The following TFCP2 variants were observed in gnomAD, a reference collection of about 807,000 sequenced individuals.
TFCP2 encodes the protein alpha-globin transcription factor CP2.
Under a neutral mutation model 73.4 loss-of-function variants are expected in TFCP2, and 33 were observed. That is an observed-to-expected ratio of 0.45 (90% CI 0.34 to 0.60). The LOEUF is 0.60. Among genes scored for constraint, TFCP2 ranks in the 20% least tolerant of loss-of-function variants. The probability of loss-of-function intolerance (pLI) is 0.01; values close to 1 mark genes in which losing one functional copy is unlikely to be tolerated. For synonymous variants in TFCP2, 193 were observed against 211.6 expected (o/e 0.91, Z 0.76); for missense variants, 352 against 604.0 (o/e 0.58, Z 4.37).
chr12:51,125,664 G>GC (rs1940795827), intron 1 of TFCP2, among the ~76,000 whole-genome samples: 1 of 152,176 alleles, frequency 6.6e-6, no homozygotes, highest in Non-Finnish European at 1.5e-5. Context: ...CATAAAGAAA[G>GC]CCAATTGAGA....
intron 1 of TFCP2, among the ~76,000 whole-genome samples, chr12:51,169,965 T>C (rs1028184926): frequency 2.0e-5 from 3 of 152,228 alleles, no homozygotes; most frequent in African/African-American, 7.2e-5. Flanking sequence ...AACAAATGTT[T>C]GCTGGTGATG....
At chr12:51,130,386 C>T (rs768515581) in intron 1 of TFCP2, among the ~76,000 whole-genome samples, 32 of 151,900 alleles carry the variant, frequency 2.1e-4, no homozygotes, top group Non-Finnish European at 1.6e-4. Flanking sequence ...GCAGGAGAAT[C>T]GCTTGAACCT....
chr12:51,147,996 C>A (rs1941334159), intron 1 of TFCP2, among the ~76,000 whole-genome samples: 1 of 152,064 alleles, frequency 6.6e-6, no homozygotes, highest in Non-Finnish European at 1.5e-5. Context: ...ATAGACAATT[C>A]TCAAAAGAAG....
At chr12:51,126,598 T>A (rs1940825131) in intron 1 of TFCP2, among the ~76,000 whole-genome samples, 1 of 152,170 alleles carries the variant, frequency 6.6e-6, no homozygotes, top group African/African-American at 2.4e-5. Context: ...AAGGAGAGGG[T>A]TGAAGAGTGT....
chr12:51,125,096 G>A (rs1412111371), intron 1 of TFCP2: 2 of 755,162 alleles, frequency 2.6e-6, no homozygotes, highest in Non-Finnish European at 5.0e-6. Flanking sequence ...TGCTGGTGAA[G>A]ATGCGAGGAA....
chr12:51,105,322 G>A (rs1940206646), intron 8 of TFCP2, among the ~76,000 whole-genome samples: 1 of 151,870 alleles, frequency 6.6e-6, no homozygotes, highest in South Asian at 2.1e-4. Flanking sequence ...TCGAACTCCT[G>A]ACATCGTAAT....
Position 51,149,078 on chromosome 12 carries a change from A to G in TFCP2, c.122+23223T>C, listed in dbSNP as rs921527225. 2.0e-5 allele frequency among the ~76,000 whole-genome samples: 3 copies of G among 150,840 alleles called. No homozygotes were observed. In the Admixed American group the frequency reaches 2.0e-4, roughly 10 times the overall value. ...AAAATGTGGTATATATACACCATAG[A>G]ATATTACTCAGCCATAAAAGGAACG... On this transcript the variant is annotated intron_variant, in intron 1 of 14. Coordinates refer to ENST00000257915, the MANE Select transcript of TFCP2 (RefSeq NM_005653.5).
At chr12:51,148,467 C>T (rs544967789) in intron 1 of TFCP2, among the ~76,000 whole-genome samples, 6 of 152,088 alleles carry the variant, frequency 3.9e-5, no homozygotes, top group South Asian at 2.1e-4. Flanking sequence ...CTTTGGGAGG[C>T]GAGGCGGGCG....
chr12:51,155,872 T>C (rs1375613105), intron 1 of TFCP2, among the ~76,000 whole-genome samples: 1 of 152,120 alleles, frequency 6.6e-6, no homozygotes, highest in Non-Finnish European at 1.5e-5. Context: ...CAAAGCCCCG[T>C]CTCCACTAAA....
chr12:51,132,934 C>T (rs1389818891), intron 1 of TFCP2, among the ~76,000 whole-genome samples: 1 of 152,140 alleles, frequency 6.6e-6, no homozygotes, highest in East Asian at 1.9e-4. Flanking sequence ...CTGCTGATAC[C>T]ACATGAAGAA....
intron 4 of TFCP2, among the ~76,000 whole-genome samples, chr12:51,112,496 T>C (rs574376533): frequency 1.3e-5 from 2 of 152,296 alleles, no homozygotes; most frequent in South Asian, 4.1e-4. Flanking sequence ...GTATTGCTAT[T>C]GAAGGGGTGC....
chr12:51,119,795 C>T (rs1940615491), intron 1 of TFCP2, among the ~76,000 whole-genome samples: 1 of 151,758 alleles, frequency 6.6e-6, no homozygotes, highest in Non-Finnish European at 1.5e-5. Context: ...ATTAACCATG[C>T]ATCTATTGAC....
In TFCP2 at chr12:51,103,683, G is replaced by A. The variant is rs1940162468; in HGVS notation, c.1047C>T (p.Phe349=). 7 of 1,613,504 alleles carry A rather than the reference G, an allele frequency of 4.3e-6. No homozygotes were observed. Among genetic ancestry groups the A allele is most frequent in the Non-Finnish European group, 5.9e-6 (7 of 1,179,848 alleles). The change falls in exon 10 of 15, where the codon TTC becomes TTT. Residue 349 remains phenylalanine (F), a synonymous_variant. Transcript: ENST00000257915. ...AGAAAATTTAACCTGAGAAGTTTGT[G>A]AAAAGCCTTGTGAATGTAGAAAAAC... ...RNRFSTFTRL[F]TNFSGADLLK...
At position 51,098,973 on chromosome 12, in the gene TFCP2, G is replaced by A; in HGVS notation, c.1277-55C>T. ...GTACAAAGTTTGTCCACTCTTACAG[G>A]TAACTTGATCACTAGGAATGCCCAC... On this transcript the variant is annotated intron_variant, in intron 12 of 14. Transcript: ENST00000257915. 2.5e-6 allele frequency: 4 copies of A among 1,583,204 alleles called. No individual in the cohort carries two copies. In the African/African-American group the frequency reaches 4.0e-5, roughly 16 times the overall value.
At chr12:51,151,476 G>A (rs748611807) in intron 1 of TFCP2, among the ~76,000 whole-genome samples, 11 of 152,024 alleles carry the variant, frequency 7.2e-5, no homozygotes, top group Non-Finnish European at 1.3e-4. Flanking sequence ...TCTCCCTGTC[G>A]CCCAGGCTGG....
chr12:51,098,810 C>T lies in TFCP2; in HGVS notation c.1385G>A (p.Gly462Glu), dbSNP rs1257015019. Reference sequence around the variant, plus strand: ...GATGAGCACATGAATTCCTGTTGGCCCCTGCTTGTAAATCTGGCTGATCTG... The same window carrying T: ...GATGAGCACATGAATTCCTGTTGGCTCCTGCTTGTAAATCTGGCTGATCTG... ...PCQISQIYKQ[G>E]PTGIHVLISD... The change falls in exon 13 of 15, where the codon GGG (glycine) becomes GAG (glutamate). Residue 462 changes from glycine to glutamate, a missense_variant. Physicochemically the swap from Gly to Glu is moderately conservative, Grantham distance 98. Transcript: ENST00000257915. 5.6e-6 allele frequency: 9 copies of T among 1,614,028 alleles called. No individual in the cohort carries two copies. Among genetic ancestry groups the T allele is most frequent in the Non-Finnish European group, 7.6e-6 (9 of 1,180,030 alleles).
At chr12:51,162,670 C>T (rs915102348) in intron 1 of TFCP2, among the ~76,000 whole-genome samples, 3 of 152,010 alleles carry the variant, frequency 2.0e-5, no homozygotes, top group Non-Finnish European at 2.9e-5. Flanking sequence ...AGCTCTTGAA[C>T]GAAATCCTGA....
chr12:51,155,597 T>A (rs561069249), intron 1 of TFCP2, among the ~76,000 whole-genome samples: 1 of 152,338 alleles, frequency 6.6e-6, no homozygotes, highest in East Asian at 1.9e-4. Context: ...TGAGGTAGCA[T>A]CTTGGAGTTT....
chr12:51,162,493 T>C (rs1941670024), intron 1 of TFCP2, among the ~76,000 whole-genome samples: 1 of 151,868 alleles, frequency 6.6e-6, no homozygotes, highest in African/African-American at 2.4e-5. Flanking sequence ...TGGGGCCTAC[T>C]GGGGTACCAT....
Sources: gnomAD v4.1 joint callset for allele counts (sites outside exome capture counted in the v4.1 genomes callset) on GRCh38, gnomAD v4.1.1 for gene constraint, MANE v1.5 for transcripts, NCBI Gene and HGNC (gene_info 2026-07-23, HGNC 2026-07-21) for gene names.